Variants in FHIT observed in about 807,000 individuals in gnomAD.
FHIT encodes bis(5'-adenosyl)-triphosphatase.
In FHIT, 19 loss-of-function variants were observed where a neutral mutation model predicts 17.9. The observed-to-expected ratio is 1.06, with a 90% confidence interval of 0.74 to 1.56. FHIT has a LOEUF of 1.56. Ranked by LOEUF, FHIT falls within the 40% of genes most tolerant of loss-of-function variation. The pLI, the probability that FHIT is intolerant of heterozygous loss-of-function variation, is 0.00. For synonymous variants in FHIT, 81 were observed against 69.7 expected (o/e 1.16, Z -0.81); for missense variants, 248 against 189.2 (o/e 1.31, Z -1.82).
At chr3:59,850,180 T>C (rs998153708) in intron 8 of FHIT, among the ~76,000 whole-genome samples, 3 of 152,162 alleles carry the variant, frequency 2.0e-5, no homozygotes, top group Non-Finnish European at 2.9e-5. Flanking sequence ...TCCACATAAA[T>C]TGCAAAAAGT....
At chr3:60,863,127 A>G (rs571494777) in intron 3 of FHIT, among the ~76,000 whole-genome samples, 1 of 152,296 alleles carries the variant, frequency 6.6e-6, no homozygotes, top group African/African-American at 2.4e-5. Flanking sequence ...CAAGAAAGAA[A>G]AAGATAAGAT....
intron 5 of FHIT, among the ~76,000 whole-genome samples, chr3:60,517,968 A>T (rs568381788): frequency 7.2e-5 from 11 of 152,344 alleles, no homozygotes; most frequent in South Asian, 2.1e-4. Flanking sequence ...CCAGGAAGAT[A>T]CAGTGAATTT....
intron 5 of FHIT, among the ~76,000 whole-genome samples, chr3:60,283,383 G>T (rs1707560584): frequency 1.3e-5 from 2 of 151,902 alleles, no homozygotes; most frequent in Non-Finnish European, 1.5e-5. Flanking sequence ...TTAAAAATAT[G>T]TAACTGTTAA....
intron 8 of FHIT, among the ~76,000 whole-genome samples, chr3:59,882,842 A>G (rs1196169218): frequency 3.3e-5 from 5 of 152,210 alleles, no homozygotes; most frequent in African/African-American, 1.2e-4. Flanking sequence ...TTAGTGTTGA[A>G]CACATAAGCC....
At chr3:60,934,046 T>C (rs1708080356) in intron 3 of FHIT, among the ~76,000 whole-genome samples, 1 of 152,156 alleles carries the variant, frequency 6.6e-6, no homozygotes, top group African/African-American at 2.4e-5. Context: ...CAAGCCTTAA[T>C]CTCCAACTTG....
intron 4 of FHIT, among the ~76,000 whole-genome samples, chr3:60,820,968 A>ATTATTATTC (rs1701906452): frequency 6.6e-6 from 1 of 150,688 alleles, no homozygotes; most frequent in South Asian, 2.1e-4. Context: ...CTTTCTTGCT[A>ATTATTATTC]TTATTATTAT....
chr3:59,915,222 G>A (rs548104197), intron 8 of FHIT, among the ~76,000 whole-genome samples: 1 of 152,296 alleles, frequency 6.6e-6, no homozygotes, highest in East Asian at 1.9e-4. Flanking sequence ...AGAATTCACT[G>A]TGGAGGGCAG....
At chr3:61,202,794 G>A (rs926650893) in intron 1 of FHIT, among the ~76,000 whole-genome samples, 1 of 152,148 alleles carries the variant, frequency 6.6e-6, no homozygotes, top group South Asian at 2.1e-4. Flanking sequence ...TCTCACGCCT[G>A]TAATCCCAGC....
chr3:60,181,647 C>G (rs1701943168), intron 5 of FHIT, among the ~76,000 whole-genome samples: 2 of 152,092 alleles, frequency 1.3e-5, no homozygotes, highest in Non-Finnish European at 1.5e-5. Flanking sequence ...AAGCACAAAG[C>G]CTCTTGGTAA....
chr3:60,107,226 A>G (rs1309355444), intron 5 of FHIT, among the ~76,000 whole-genome samples: 1 of 143,480 alleles, frequency 7.0e-6, no homozygotes, highest in Non-Finnish European at 1.5e-5. Context: ...TCCAGAGCAC[A>G]TGTGCATAGA....
chr3:60,734,215 G>A (rs9865712), intron 4 of FHIT, among the ~76,000 whole-genome samples: 4,218 of 152,190 alleles, frequency 0.028, 210 homozygotes, highest in African/African-American at 0.096. Context: ...GCTGAATGCA[G>A]TCTTAGAAAC....
At chr3:59,782,665 A>G (rs1048808617) in intron 8 of FHIT, among the ~76,000 whole-genome samples, 1 of 152,200 alleles carries the variant, frequency 6.6e-6, no homozygotes, top group African/African-American at 2.4e-5. Context: ...ATTGATCAGC[A>G]TACCTCAGGC....
intron 5 of FHIT, among the ~76,000 whole-genome samples, chr3:60,364,241 G>A (rs1414468053): frequency 1.3e-5 from 2 of 152,154 alleles, no homozygotes; most frequent in South Asian, 4.1e-4. Context: ...CTCTGTGTGT[G>A]TGTACTCCAT....
intron 2 of FHIT, among the ~76,000 whole-genome samples, chr3:61,092,071 C>CTCAAGATTCA (rs1275271574): frequency 1.4e-5 from 2 of 140,758 alleles, no homozygotes; most frequent in Non-Finnish European, 3.1e-5. Context: ...GGTCAATGTA[C>CTCAAGATTCA]TCAAGATTCA....
In FHIT at chr3:59,996,601, C is replaced by A. The variant is rs529734744; in HGVS notation, c.279+14770G>T. Among the ~76,000 whole-genome samples the A allele has an allele frequency of 4.6e-5, 7 of 152,180 alleles. No individual in the cohort carries two copies. The South Asian group carries it at 1.2e-3, about 27-fold the overall frequency. ...TTAGCTGCTTTTAATTAAAGTTATG[C>A]TTCTAATTCTCATCCCCAAAGAGTC... On this transcript the variant is annotated intron_variant, in intron 7 of 9. Coordinates refer to ENST00000492590, the MANE Select transcript of FHIT (RefSeq NM_002012.4).
intron 7 of FHIT, among the ~76,000 whole-genome samples, chr3:60,004,430 C>T (rs1314924086): frequency 6.6e-6 from 1 of 152,106 alleles, no homozygotes; most frequent in African/African-American, 2.4e-5. Flanking sequence ...GCATATAATT[C>T]TGCCATAAAT....
intron 3 of FHIT, among the ~76,000 whole-genome samples, chr3:60,880,261 T>C (rs782092204): frequency 6.6e-6 from 1 of 152,174 alleles, no homozygotes; most frequent in Non-Finnish European, 1.5e-5. Flanking sequence ...CAGTCAAGGA[T>C]ACTATATCCA....
chr3:61,057,265 CA>C (rs1559947386), intron 2 of FHIT, among the ~76,000 whole-genome samples: 2 of 152,174 alleles, frequency 1.3e-5, no homozygotes, highest in East Asian at 3.9e-4. Context: ...AAGAACCACA[CA>C]AAGAAATTCA....
intron 3 of FHIT, among the ~76,000 whole-genome samples, chr3:60,999,783 G>A (rs914689723): frequency 1.3e-5 from 2 of 151,980 alleles, no homozygotes; most frequent in South Asian, 2.1e-4. Flanking sequence ...GTGCCTTAGC[G>A]CATTCTGGCA....
Sources: allele counts gnomAD v4.1 joint callset (sites outside exome capture counted in the v4.1 genomes callset), GRCh38; gene constraint gnomAD v4.1.1; transcripts MANE v1.5; gene names NCBI Gene and HGNC (gene_info 2026-07-23, HGNC 2026-07-21).